The following KIF2C variants were observed in gnomAD, a reference collection of about 807,000 sequenced individuals.
KIF2C encodes kinesin family member 2C.
KIF2C carries 34 observed loss-of-function variants against 97.4 expected under a neutral mutation model. The observed-to-expected ratio is 0.35, with a 90% CI of 0.27 to 0.46. The LOEUF (loss-of-function observed/expected upper bound fraction) is 0.46, where lower values mean the gene tolerates loss of function less well. Ranked by LOEUF, KIF2C falls within the 20% of genes least tolerant of loss-of-function variation. The pLI, the probability that KIF2C is intolerant of heterozygous loss-of-function variation, is 1.00. For missense variants in KIF2C, 750 were observed against 907.6 expected (o/e 0.83, Z 2.23); for synonymous variants, 313 against 318.2 (o/e 0.98, Z 0.17).
chr1:44,762,929 A>T (rs1650245841), intron 19 of KIF2C, among the ~76,000 whole-genome samples: 1 of 152,174 alleles, frequency 6.6e-6, no homozygotes, highest in African/African-American at 2.4e-5. Flanking sequence ...GAGGATTTGA[A>T]GGGTGATCCA....
At chr1:44,766,697 A>G in intron 19 of KIF2C, 129 bp from the exon 20 acceptor site, 1 of 934,874 alleles carries the variant, frequency 1.1e-6, no homozygotes, top group Non-Finnish European at 1.6e-6. Flanking sequence ...GAGAGGGTGA[A>G]CAGCCAGGGT....
Position 44,760,483 on chromosome 1 carries a change from A to C in KIF2C, c.1571A>C (p.Lys524Thr). The C allele has an allele frequency of 2.5e-6, 4 of 1,613,894 alleles. No homozygotes were observed. The highest frequency in any genetic ancestry group is 2.5e-6 in the Non-Finnish European group (3 of 1,179,920). ...ATCAACAAGAGTCTCTTAGCCCTGA[A>C]GGTAGTGGGGCAGCTAGAGCTGGTT... ...AEINKSLLAL[K>T]ECIRALGQNK... The change falls in exon 15 of 21, where the codon AAG (lysine) becomes ACG (threonine). Residue 524 changes from lysine (K) to threonine (T), a missense_variant and splice_region_variant. By Grantham distance (78) the Lys-to-Thr change is moderately conservative. Coordinates refer to ENST00000372224, the MANE Select transcript of KIF2C (RefSeq NM_006845.4). The surrounding 1 kb of genome is among the most constrained non-coding windows in gnomAD (Gnocchi z 4.2).
intron 5 of KIF2C, among the ~76,000 whole-genome samples, chr1:44,751,570 G>C (rs895646990): frequency 6.8e-6 from 1 of 147,546 alleles, no homozygotes; most frequent in Admixed American, 7.0e-5. Context: ...GGGCAATGAC[G>C]CTATCTTGGC....
At position 44,762,599 on chromosome 1, in the gene KIF2C, A is replaced by G; in HGVS notation, c.1912A>G (p.Met638Val). The stretch of plus-strand genomic sequence containing the variant: ...CCAGATGTCCAGCTTTAACGAAGCC[A>G]TGACTCAGATCAGGGAGCTGGAGGA... ...SSQMSSFNEA[M>V]TQIRELEEKA... The change falls in exon 19 of 21, where the codon ATG becomes GTG. Residue 638 changes from methionine to valine, a missense_variant. Met to Val is a conservative substitution (Grantham distance 21). Transcript: ENST00000372224. 1 of 1,614,184 alleles carries G rather than the reference A, an allele frequency of 6.2e-7. No homozygotes were observed. The highest frequency in any genetic ancestry group is 8.5e-7 in the Non-Finnish European group (1 of 1,180,032).
intron 4 of KIF2C, 163 bp from the exon 5 acceptor site, chr1:44,750,279 A>C (rs1649437053): frequency 2.0e-5 from 13 of 636,748 alleles, no homozygotes; most frequent in Non-Finnish European, 2.8e-5. Flanking sequence ...GGTTACTGGT[A>C]CTTGGTCTTT....
intron 2 of KIF2C, among the ~76,000 whole-genome samples, chr1:44,743,881 T>C (rs1453996512): frequency 6.6e-6 from 1 of 152,222 alleles, no homozygotes; most frequent in Non-Finnish European, 1.5e-5. Context: ...ATAAAAGGAT[T>C]GAATACTTTC....
chr1:44,762,111 C>T (rs1650183249), intron 17 of KIF2C, 128 bp downstream of exon 17: 3 of 937,082 alleles, frequency 3.2e-6, no homozygotes, highest in African/African-American at 1.6e-5. Flanking sequence ...GAACCTGAGG[C>T]TTGGGAGTTC....
rs774396912 is a variant in KIF2C, at chr1:44,762,311, G to T, written c.1752-35G>T. The T allele has an allele frequency of 8.6e-5, 134 of 1,555,534 alleles. No individual in the cohort carries two copies. In the Middle Eastern group the frequency reaches 1.8e-3, roughly 21 times the overall value. ...CATTCCTCTGGTGAGTACCAAGGGG[G>T]TGCTGTGGGATCTGAGACCTCCTTG... On this transcript the variant is annotated intron_variant, in intron 17 of 20. Coordinates refer to ENST00000372224, the MANE Select transcript of KIF2C (RefSeq NM_006845.4).
chr1:44,753,080 G>GT, intron 5 of KIF2C, 52 bp from the exon 6 acceptor site: 2 of 1,574,966 alleles, frequency 1.3e-6, no homozygotes, highest in Non-Finnish European at 1.7e-6. Flanking sequence ...GCTCAGGTGA[G>GT]ATGCCTGTGG....
In KIF2C at chr1:44,739,993, C is replaced by G. The variant is rs1178212082; in HGVS notation, c.61C>G (p.Arg21Gly). The change falls in exon 1 of 21, where the codon CGC (arginine) becomes GGC (glycine). Residue 21 changes from arginine to glycine, a missense_variant. By Grantham distance (125) the Arg-to-Gly change is moderately radical. Coordinates refer to ENST00000372224, the MANE Select transcript of KIF2C (RefSeq NM_006845.4). ...TCCCGGTCTCGCTATCAAGATCCAACGCAGTAATGGTGAGGAGCGGGGTCC... is the reference window on the plus strand; with the variant it reads ...TCCCGGTCTCGCTATCAAGATCCAAGGCAGTAATGGTGAGGAGCGGGGTCC... ...LFPGLAIKIQ[R>G]SNGLIHSANV... 6.2e-7 allele frequency: 1 copy of G among 1,614,226 alleles called. No homozygotes were observed. Among genetic ancestry groups the G allele is most frequent in the Non-Finnish European group, 8.5e-7 (1 of 1,180,038 alleles).
chr1:44,753,895 C>A, intron 7 of KIF2C, 62 bp downstream of exon 7: 1 of 865,236 alleles, frequency 1.2e-6, no homozygotes, highest in Non-Finnish European at 1.8e-6. Context: ...CGAAACTCTA[C>A]GGGCAACAGA....
chr1:44,744,080 T>G (rs1157055158), intron 2 of KIF2C, among the ~76,000 whole-genome samples: 3 of 122,444 alleles, frequency 2.5e-5, no homozygotes, highest in South Asian at 2.6e-4. Flanking sequence ...AAGCTCTGGT[T>G]TTTTTTTTTG....
At chr1:44,747,594 A>T (rs1649279755) in intron 3 of KIF2C, 58 bp from the exon 4 acceptor site, 1 of 1,563,650 alleles carries the variant, frequency 6.4e-7, no homozygotes, top group African/African-American at 1.4e-5. Context: ...TGGGCCCAGG[A>T]TGGGCCCTTG....
intron 4 of KIF2C, among the ~76,000 whole-genome samples, chr1:44,750,117 C>G (rs182883374): frequency 1.3e-5 from 2 of 149,052 alleles, no homozygotes; most frequent in Admixed American, 1.3e-4. Context: ...AATACTTTTT[C>G]TCAAGGACTT....
chr1:44,740,825 T>G, intron 1 of KIF2C, 88 bp from the exon 2 acceptor site: 1 of 617,014 alleles, frequency 1.6e-6, no homozygotes, highest in South Asian at 2.4e-5. Flanking sequence ...TCCTTCAGGT[T>G]AACTCCACTT....
At chr1:44,751,821 C>CTTTTTTTTTTT (rs375561958) in intron 5 of KIF2C, among the ~76,000 whole-genome samples, 1 of 100,098 alleles carries the variant, frequency 1.0e-5, no homozygotes. Context: ...CTTTTTATAC[C>CTTTTTTTTTTT]TTTTTTTTTT....
In KIF2C at chr1:44,754,827, A is replaced by G. The variant is rs773403044; in HGVS notation, c.741A>G (p.Pro247=). Reference sequence around the variant, plus strand: ...TTCGGGCTACTTTGGAATGTCATCCACTTACTATGACTGATCCTGTAAGTA... The same window carrying G: ...TTCGGGCTACTTTGGAATGTCATCCGCTTACTATGACTGATCCTGTAAGTA... The part of the protein sequence containing the change: ...KEFRATLECH[P]LTMTDPIEEH... Residue 247 remains proline, a synonymous_variant, in exon 8 of 21, where the codon CCA becomes CCG. Coordinates refer to ENST00000372224, the MANE Select transcript of KIF2C (RefSeq NM_006845.4). 3 of 1,603,208 alleles carry G rather than the reference A, an allele frequency of 1.9e-6. No individual in the cohort carries two copies. Among genetic ancestry groups the G allele is most frequent in the Non-Finnish European group, 2.6e-6 (3 of 1,170,040 alleles).
At position 44,762,590 on chromosome 1, in the gene KIF2C, A is replaced by C; in HGVS notation, c.1903A>C (p.Asn635His). 1 of 1,614,160 alleles carries C rather than the reference A, an allele frequency of 6.2e-7. No individual in the cohort carries two copies. The highest frequency in any genetic ancestry group is 8.5e-7 in the Non-Finnish European group (1 of 1,180,020). Residue 635 changes from asparagine (N) to histidine (H), a missense_variant, in exon 19 of 21, where the codon AAC (asparagine) becomes CAC (histidine). Asn to His is a moderately conservative substitution (Grantham distance 68). Coordinates refer to ENST00000372224, the MANE Select transcript of KIF2C (RefSeq NM_006845.4). The part of the protein sequence containing the change: ...EELSSQMSSF[N>H]EAMTQIRELE... ...ACTGTCTTCCCAGATGTCCAGCTTT[A>C]ACGAAGCCATGACTCAGATCAGGGA...
rs1451986562 is a variant in KIF2C at position 44,767,450 on chromosome 1, T to C, written c.*271T>C. 7.8e-6 allele frequency: 3 copies of C among 382,990 alleles called. No individual in the cohort carries two copies. The highest frequency in any genetic ancestry group is 1.5e-5 in the Non-Finnish European group (3 of 200,214). 23.7% of individuals were successfully genotyped at this position (382,990 alleles called of 1,614,324 possible). A position where few individuals can be genotyped will look rare whatever the true frequency, so the allele number is the denominator to read the frequency against. On this transcript the variant is annotated 3_prime_UTR_variant, in exon 21 of 21. Coordinates refer to ENST00000372224, the MANE Select transcript of KIF2C (RefSeq NM_006845.4). ...TTGCCCTTCTTTCCATCAAGGGGAA[T>C]GTTCTCAGCATAGAGCTTTCTCCGC...
Sources: allele counts gnomAD v4.1 joint callset (sites outside exome capture counted in the v4.1 genomes callset), GRCh38; gene constraint gnomAD v4.1.1; non-coding constraint Gnocchi (gnomAD v3.1); transcripts MANE v1.5; gene names NCBI Gene and HGNC (gene_info 2026-07-23, HGNC 2026-07-21).